The following WAPL variants were observed in gnomAD, a reference collection of about 807,000 sequenced individuals.
The protein encoded by WAPL is wings apart-like protein homolog.
In WAPL, 5 loss-of-function variants were observed where a neutral mutation model predicts 121.0. The ratio of observed to expected loss-of-function variants is 0.04; its 90% CI spans 0.02 to 0.09. The LOEUF is 0.09. Ranked by LOEUF, WAPL falls within the 10% of genes least tolerant of loss-of-function variation. The pLI is 1.00. For missense variants in WAPL, 999 were observed against 1,410.8 expected, an observed-to-expected ratio of 0.71 and a Z score of 4.68; for synonymous variants, 480 against 481.5, an observed-to-expected ratio of 1.00 and a Z score of 0.04.
At chr10:86,477,516 T>C (rs1841685617) in intron 4 of WAPL, among the ~76,000 whole-genome samples, 1 of 152,166 alleles carries the variant, frequency 6.6e-6, no homozygotes, top group Non-Finnish European at 1.5e-5. Flanking sequence ...GAAAAGCAGA[T>C]ACAGGGCCAG....
intron 4 of WAPL, among the ~76,000 whole-genome samples, chr10:86,480,336 T>C (rs979709611): frequency 3.3e-5 from 5 of 152,234 alleles, no homozygotes; most frequent in African/African-American, 1.2e-4. Flanking sequence ...GCCACGGTTT[T>C]ATTAAAAGTA....
intron 15 of WAPL, among the ~76,000 whole-genome samples, chr10:86,450,399 C>A (rs1239026508): frequency 6.6e-6 from 1 of 152,144 alleles, no homozygotes; most frequent in Non-Finnish European, 1.5e-5. Flanking sequence ...CCACACTCAA[C>A]CAACTGTTTT....
chr10:86,438,386 C>T (rs577225310), intron 17 of WAPL, among the ~76,000 whole-genome samples: 34 of 152,120 alleles, frequency 2.2e-4, no homozygotes, highest in African/African-American at 7.9e-4. Context: ...CCCGGGTAGC[C>T]GGGATTAAAG....
chr10:86,488,767 T>A (rs1005705340), intron 4 of WAPL, among the ~76,000 whole-genome samples: 44 of 152,168 alleles, frequency 2.9e-4, no homozygotes, highest in African/African-American at 9.9e-4. Flanking sequence ...CTAACCTACA[T>A]GGAGGGGAAG....
intron 2 of WAPL, among the ~76,000 whole-genome samples, chr10:86,515,497 G>A (rs1842537927): frequency 6.6e-6 from 1 of 152,066 alleles, no homozygotes; most frequent in Non-Finnish European, 1.5e-5. Flanking sequence ...AAAAAAGTTT[G>A]ATGGGCCAGA....
intron 9 of WAPL, 35 bp downstream of exon 9, chr10:86,467,232 TTTCTGAAAGTAA>T: frequency 6.4e-7 from 1 of 1,564,432 alleles, no homozygotes; most frequent in African/African-American, 1.4e-5. Flanking sequence ...AACCAAAGAC[TTTCTGAAAGTAA>T]TTCTCATCTT....
chr10:86,443,261 AACTATGT>A lies in WAPL; in HGVS notation c.3411+7_3411+13del, dbSNP rs746037088. 1 of 1,586,950 alleles carries A rather than the reference AACTATGT, an allele frequency of 6.3e-7. No homozygotes were observed. Among genetic ancestry groups the A allele is most frequent in the Non-Finnish European group, 8.7e-7 (1 of 1,155,750 alleles). On this transcript the variant is annotated splice_region_variant and intron_variant, in intron 17 of 18. Coordinates refer to ENST00000298767, the MANE Select transcript of WAPL (RefSeq NM_015045.5). ...TTCAAAGATACATAAAACATCACTG[AACTATGT>A]ACTTACTGGACTTTCCTGGCAGAGA... is the stretch of plus-strand genomic sequence containing the variant.
intron 8 of WAPL, 46 bp downstream of exon 8, chr10:86,470,946 T>C (rs745479879): frequency 2.0e-6 from 3 of 1,480,564 alleles, no homozygotes; most frequent in Admixed American, 1.7e-5. Context: ...AATAGACTAG[T>C]AGTTTTCAAC....
At chr10:86,516,869 G>C (rs982743012) in intron 2 of WAPL, among the ~76,000 whole-genome samples, 1 of 152,106 alleles carries the variant, frequency 6.6e-6, no homozygotes, top group African/African-American at 2.4e-5. Flanking sequence ...CAGATCACGA[G>C]GTCAGGAGAT....
intron 4 of WAPL, among the ~76,000 whole-genome samples, chr10:86,493,053 T>C (rs1254351071): frequency 6.9e-6 from 1 of 145,064 alleles, no homozygotes; most frequent in Non-Finnish European, 1.5e-5. Flanking sequence ...AGAGTGAGAC[T>C]CCGTCTCAAA....
chr10:86,466,498 G>T (rs975718467), intron 9 of WAPL, among the ~76,000 whole-genome samples: 1 of 151,934 alleles, frequency 6.6e-6, no homozygotes, highest in East Asian at 1.9e-4. Flanking sequence ...TGAGCCCAGG[G>T]GTTTGAGGCT....
intron 2 of WAPL, among the ~76,000 whole-genome samples, chr10:86,506,617 C>G (rs746579856): frequency 6.6e-5 from 10 of 152,018 alleles, no homozygotes; most frequent in Non-Finnish European, 1.0e-4. Flanking sequence ...GCAAGACTCT[C>G]TCTACAAAAA....
intron 2 of WAPL, among the ~76,000 whole-genome samples, chr10:86,506,781 C>T (rs1842359400): frequency 6.6e-6 from 1 of 151,984 alleles, no homozygotes; most frequent in Non-Finnish European, 1.5e-5. Context: ...CAGAGAAAGA[C>T]CTTGTTTCTA....
intron 18 of WAPL, 41 bp downstream of exon 18, chr10:86,437,879 A>C (rs756902424): frequency 1.1e-5 from 16 of 1,448,316 alleles, no homozygotes; most frequent in Non-Finnish European, 1.5e-5. Flanking sequence ...TCAATGTATT[A>C]TAAATTTAAA....
intron 17 of WAPL, 96 bp downstream of exon 17, chr10:86,443,179 A>C (rs1405977697): frequency 1.1e-6 from 1 of 943,836 alleles, no homozygotes; most frequent in African/African-American, 1.6e-5. Flanking sequence ...AGGGGGAAAC[A>C]CTGAAGAAAT....
chr10:86,499,913 C>T lies in WAPL; in HGVS notation c.1330G>A (p.Gly444Arg), dbSNP rs770386251. Reference protein sequence around the residue: ...HETGGDEGGSGSSNYKIKYFG... With the variant: ...HETGGDEGGSRSSNYKIKYFG... The stretch of plus-strand genomic sequence containing the variant: ...TACTTAATTTTGTAATTAGAACTTC[C>T]AGAACCTCCTTCATCACCTCCTGTC... The change falls in exon 3 of 19, where the codon GGA (glycine) becomes AGA (arginine). Residue 444 changes from glycine (G) to arginine (R), a missense_variant. Gly to Arg is a moderately radical substitution (Grantham distance 125). Coordinates refer to ENST00000298767, the MANE Select transcript of WAPL (RefSeq NM_015045.5). 6.2e-7 allele frequency: 1 copy of T among 1,614,040 alleles called. No individual in the cohort carries two copies. Among genetic ancestry groups the T allele is most frequent in the Non-Finnish European group, 8.5e-7 (1 of 1,179,990 alleles).
chr10:86,467,001 CCTTTT>C, intron 9 of WAPL: 1 of 331,562 alleles, frequency 3.0e-6, no homozygotes. Context: ...GTGCCCGGCC[CCTTTT>C]TTTTCTTAAA....
intron 4 of WAPL, among the ~76,000 whole-genome samples, chr10:86,494,766 T>C (rs1419176499): frequency 1.3e-5 from 2 of 152,314 alleles, no homozygotes; most frequent in Middle Eastern, 3.4e-3. Context: ...TTTAATGCAA[T>C]GTATGAAAGG....
In WAPL at chr10:86,513,527, G is replaced by A. The variant is rs1428912938; in HGVS notation, c.499+4044C>T. On this transcript the variant is annotated intron_variant, in intron 2 of 18. Coordinates refer to ENST00000298767, the MANE Select transcript of WAPL (RefSeq NM_015045.5). The stretch of plus-strand genomic sequence containing the variant: ...TTTGTATTTTTTTTAGTAAAGACGG[G>A]GTTTCACCATGTTGGTCAGGCTGGT... 2.0e-5 allele frequency among the ~76,000 whole-genome samples: 3 copies of A among 151,968 alleles called. No individual in the cohort carries two copies. The East Asian group carries it at 5.8e-4, about 29-fold the overall frequency.
Sources: gnomAD v4.1 joint callset for allele counts (sites outside exome capture counted in the v4.1 genomes callset) on GRCh38, gnomAD v4.1.1 for gene constraint, MANE v1.5 for transcripts, NCBI Gene and HGNC (gene_info 2026-07-23, HGNC 2026-07-21) for gene names.